The following DACH2 variants were observed in gnomAD, a reference collection of about 807,000 sequenced individuals.
DACH2 encodes dachshund homolog 2.
Under a neutral mutation model 35.8 loss-of-function variants are expected in DACH2, and 17 were observed. The ratio of observed to expected loss-of-function variants is 0.48; its 90% CI spans 0.33 to 0.71. The LOEUF (loss-of-function observed/expected upper bound fraction) is 0.71, where lower values mean the gene tolerates loss of function less well. Among genes scored for constraint, DACH2 ranks in the 30% least tolerant of loss-of-function variants. The pLI is 0.02. For missense variants in DACH2, 469 were observed against 472.7 expected, an observed-to-expected ratio of 0.99 and a Z score of 0.07; for synonymous variants, 195 against 177.3, an observed-to-expected ratio of 1.10 and a Z score of -0.79.
At chrX:86,807,394 T>C (rs1322647156) in intron 7 of DACH2, among the ~76,000 whole-genome samples, 2 of 111,596 alleles carry the variant, frequency 1.8e-5, no homozygotes, top group Admixed American at 9.6e-5. Context: ...ACTATTATCC[T>C]AACTTTATAG....
At chrX:86,248,128 C>T (rs1028503706) in intron 1 of DACH2, among the ~76,000 whole-genome samples, 2 of 111,270 alleles carry the variant, frequency 1.8e-5, no homozygotes, top group Admixed American at 9.6e-5. Context: ...AGAACTGCAA[C>T]AAGACAAGTA....
At position 86,722,479 on chromosome X, in the gene DACH2, G is replaced by T. The variant is rs749600777; in HGVS notation, c.1104+7759G>T. 2.7e-5 allele frequency among the ~76,000 whole-genome samples: 3 copies of T among 109,669 alleles called. No individual in the cohort carries two copies. The South Asian group carries it at 1.2e-3, about 43-fold the overall frequency. ...TTCTCCCACCTCAGCCTCTGGAGTA[G>T]CTGGGACTACTGACATGTTCCACCA... On this transcript the variant is annotated intron_variant, in intron 6 of 11. Transcript: ENST00000373125.
In DACH2 at chrX:86,777,939, TAAA is replaced by T. The variant is rs747089535; in HGVS notation, c.1241-34912_1241-34910del. ...AAGTTTTTTAAAGGGGGAATTAAAA[TAAA>T]AAAATATGGATTTGAGTAACCTTTA... is the stretch of plus-strand genomic sequence containing the variant. On this transcript the variant is annotated intron_variant, in intron 7 of 11. Transcript: ENST00000373125. 4.9e-3 allele frequency among the ~76,000 whole-genome samples: 551 copies of T among 111,543 alleles called. 1 individual carries two copies. The highest frequency in any genetic ancestry group is 0.017 in the African/African-American group (537 of 30,720).
At chrX:86,819,098 T>C (rs1037298187) in intron 11 of DACH2, among the ~76,000 whole-genome samples, 2 of 108,130 alleles carry the variant, frequency 1.8e-5, no homozygotes, top group African/African-American at 6.8e-5. Flanking sequence ...GGTTATTTCA[T>C]GTCTTTTATG....
intron 7 of DACH2, among the ~76,000 whole-genome samples, chrX:86,760,600 C>T (rs2041870940): frequency 9.0e-6 from 1 of 111,475 alleles, no homozygotes; most frequent in African/African-American, 3.3e-5. Flanking sequence ...GTCTCATATT[C>T]TGAATTGCTT....
chrX:86,631,801 C>A (rs1419504721), intron 3 of DACH2, among the ~76,000 whole-genome samples: 1 of 111,270 alleles, frequency 9.0e-6, no homozygotes, highest in Non-Finnish European at 1.9e-5. Context: ...TTTTTTGGTT[C>A]TTTTCCTTGT....
chrX:86,575,075 C>A (rs1569444401), intron 3 of DACH2, among the ~76,000 whole-genome samples: 3 of 110,954 alleles, frequency 2.7e-5, no homozygotes. Context: ...GAAATTTCTT[C>A]TTTAAGTGAA....
At chrX:86,498,654 TC>T (rs1374910297) in intron 2 of DACH2, among the ~76,000 whole-genome samples, 1 of 112,476 alleles carries the variant, frequency 8.9e-6, no homozygotes, top group African/African-American at 3.2e-5. Context: ...TTACTTTGAA[TC>T]TTTAAATTTA....
Position 86,443,271 on chromosome X carries a change from TA to T in DACH2, c.527+66410del, listed in dbSNP as rs1184659900. On this transcript the variant is annotated intron_variant, in intron 2 of 11. Coordinates refer to ENST00000373125, the MANE Select transcript of DACH2 (RefSeq NM_053281.3). ...TTATAGTTTTCAGTGTAGAGACCTT[TA>T]TCCCCATTGATTAATTTTTTTCTTA... 5.4e-5 allele frequency among the ~76,000 whole-genome samples: 6 copies of T among 111,711 alleles called. No individual in the cohort carries two copies. The Admixed American group carries it at 5.7e-4, about 11-fold the overall frequency.
chrX:86,314,234 G>A (rs2034853918), intron 1 of DACH2, among the ~76,000 whole-genome samples: 1 of 111,345 alleles, frequency 9.0e-6, no homozygotes, highest in African/African-American at 3.3e-5. Context: ...AGCTAGAAAT[G>A]GGCCAGGTGC....
chrX:86,815,944 G>T (rs1401160837), intron 10 of DACH2, 90 bp from the exon 11 acceptor site: 2 of 716,039 alleles, frequency 2.8e-6, no homozygotes, highest in South Asian at 3.7e-5. Flanking sequence ...TTATCTATAG[G>T]ACCAAAGTAC....
chrX:86,437,780 T>G (rs978685197), intron 2 of DACH2, among the ~76,000 whole-genome samples: 1 of 111,411 alleles, frequency 9.0e-6, no homozygotes, highest in Non-Finnish European at 1.9e-5. Flanking sequence ...TTTCTTTTCT[T>G]TTGGATAAAT....
chrX:86,593,681 C>T (rs1397506411), intron 3 of DACH2, among the ~76,000 whole-genome samples: 1 of 110,581 alleles, frequency 9.0e-6, no homozygotes, highest in Non-Finnish European at 1.9e-5. Flanking sequence ...CCCGCCTCAG[C>T]CTCCCAAATT....
intron 3 of DACH2, among the ~76,000 whole-genome samples, chrX:86,639,293 G>A (rs377720190): frequency 6.3e-5 from 7 of 111,363 alleles, no homozygotes; most frequent in Middle Eastern, 4.7e-3. Flanking sequence ...ATGAATGAGC[G>A]ACCCTGGGAA....
chrX:86,482,288 C>T (rs1180348182), intron 2 of DACH2, among the ~76,000 whole-genome samples: 1 of 111,924 alleles, frequency 8.9e-6, no homozygotes, highest in Non-Finnish European at 1.9e-5. Context: ...AAATTTTCAA[C>T]TTACAGTTAA....
At chrX:86,673,159 C>T (rs1169909544) in intron 4 of DACH2, among the ~76,000 whole-genome samples, 2 of 109,563 alleles carry the variant, frequency 1.8e-5, no homozygotes, top group African/African-American at 6.7e-5. Flanking sequence ...CATGGTGATA[C>T]CCTGTCTCTA....
At chrX:86,615,028 G>A (rs1356654265) in intron 3 of DACH2, among the ~76,000 whole-genome samples, 3 of 111,369 alleles carry the variant, frequency 2.7e-5, no homozygotes, top group African/African-American at 9.8e-5. Flanking sequence ...TCCATAAAAT[G>A]TTAGATCACC....
At chrX:86,692,052 G>A (rs747334635) in intron 4 of DACH2, among the ~76,000 whole-genome samples, 1 of 111,120 alleles carries the variant, frequency 9.0e-6, no homozygotes, top group Non-Finnish European at 1.9e-5. Flanking sequence ...GAGAGATTTA[G>A]GTCAAAAGAC....
At chrX:86,592,569 G>T (rs1403260008) in intron 3 of DACH2, among the ~76,000 whole-genome samples, 1 of 111,639 alleles carries the variant, frequency 9.0e-6, no homozygotes, top group Non-Finnish European at 1.9e-5. Flanking sequence ...TAATTTTCTG[G>T]GATTTTGATT....
Sources: allele counts gnomAD v4.1 joint callset (sites outside exome capture counted in the v4.1 genomes callset), GRCh38; gene constraint gnomAD v4.1.1; transcripts MANE v1.5; gene names NCBI Gene and HGNC (gene_info 2026-07-23, HGNC 2026-07-21).